The following PTPRR variants were observed in gnomAD, a reference collection of about 807,000 sequenced individuals.
PTPRR encodes the protein protein tyrosine phosphatase receptor type R.
In PTPRR, 38 loss-of-function variants were observed where a neutral mutation model predicts 77.2. The observed-to-expected ratio is 0.49, with a 90% CI of 0.38 to 0.65. PTPRR has a LOEUF of 0.65. Ranked by LOEUF, PTPRR falls within the 30% of genes least tolerant of loss-of-function variation. PTPRR has a pLI of 0.00. For synonymous variants in PTPRR, 299 were observed against 283.1 expected (o/e 1.06, Z -0.57); for missense variants, 744 against 799.2 (o/e 0.93, Z 0.83).
chr12:70,654,200 A>G (rs1423272397), intron 13 of PTPRR, among the ~76,000 whole-genome samples: 1 of 152,174 alleles, frequency 6.6e-6, no homozygotes, highest in Non-Finnish European at 1.5e-5. Flanking sequence ...CATTTTTCAG[A>G]ATAATCTTCT....
At chr12:70,745,795 G>T in intron 6 of PTPRR, 23 bp downstream of exon 6, 2 of 1,608,058 alleles carry the variant, frequency 1.2e-6, no homozygotes, top group South Asian at 1.1e-5. Flanking sequence ...GCCACACGTA[G>T]GGTATACAGA....
At chr12:70,765,653 G>A (rs568955757) in intron 2 of PTPRR, among the ~76,000 whole-genome samples, 3 of 152,172 alleles carry the variant, frequency 2.0e-5, no homozygotes, top group Non-Finnish European at 4.4e-5. Context: ...GCTTTGAAGA[G>A]AGCAGTGGTT....
chr12:70,757,719 G>A lies in PTPRR; in HGVS notation c.628-3418C>T, dbSNP rs1467094772. 2.6e-5 allele frequency among the ~76,000 whole-genome samples: 4 copies of A among 152,254 alleles called. No individual in the cohort carries two copies. The East Asian group carries it at 5.8e-4, about 22-fold the overall frequency. Reference sequence around the variant, plus strand: ...ATAGATGCTTTGAGACATCATTCACGATGTTCTATAATTCATGCAAAGGAT... The same window carrying A: ...ATAGATGCTTTGAGACATCATTCACAATGTTCTATAATTCATGCAAAGGAT... On this transcript the variant is annotated intron_variant, in intron 4 of 13. Coordinates refer to ENST00000283228, the MANE Select transcript of PTPRR (RefSeq NM_002849.4).
rs964833719 is a variant in PTPRR, at chr12:70,761,487, G to A, written c.611C>T (p.Thr204Ile). 5 of 1,606,816 alleles carry A rather than the reference G, an allele frequency of 3.1e-6. No homozygotes were observed. The African/African-American group carries it at 5.4e-5, about 17-fold the overall frequency. Residue 204 changes from threonine to isoleucine, a missense_variant, in exon 4 of 14, where the codon ACA (threonine) becomes ATA (isoleucine). Thr to Ile is a moderately conservative substitution (Grantham distance 89). Around this residue, in one of 3 missense-constraint regions of PTPRR, gnomAD observed 570 missense variants for 573.2 expected, o/e 0.99. Transcript: ENST00000283228. ...ACAACATACCTCAGGAGAGACTTCT[G>A]TAATTCCAAACTGGGATAAACTTTG... is the stretch of plus-strand genomic sequence containing the variant. ...LHQSLSQFGITEVSPEKNVLQ... is the reference protein window; with the variant it reads ...LHQSLSQFGIIEVSPEKNVLQ...
chr12:70,914,974 T>C (rs1019692269), intron 1 of PTPRR, among the ~76,000 whole-genome samples: 2 of 152,144 alleles, frequency 1.3e-5, no homozygotes, highest in Non-Finnish European at 2.9e-5. Flanking sequence ...GACGTGCAAG[T>C]CTGAGTATAA....
chr12:70,754,408 C>T, intron 4 of PTPRR, 107 bp from the exon 5 acceptor site: 5 of 1,573,396 alleles, frequency 3.2e-6, no homozygotes, highest in Non-Finnish European at 4.3e-6. Context: ...CAGTGTAGTG[C>T]AACACACCTA....
At chr12:70,656,093 C>T (rs903198514) in intron 13 of PTPRR, among the ~76,000 whole-genome samples, 2 of 152,108 alleles carry the variant, frequency 1.3e-5, no homozygotes, top group Admixed American at 6.5e-5. Context: ...TGGTGCTCGC[C>T]TATAGTCCCA....
chr12:70,841,427 C>T (rs1166223746), intron 2 of PTPRR, among the ~76,000 whole-genome samples: 2 of 151,932 alleles, frequency 1.3e-5, no homozygotes, highest in Non-Finnish European at 2.9e-5. Context: ...CACTTCTCAG[C>T]TTGTTCTCTC....
chr12:70,882,781 C>T (rs1592812759), intron 2 of PTPRR, among the ~76,000 whole-genome samples: 1 of 152,180 alleles, frequency 6.6e-6, no homozygotes, highest in South Asian at 2.1e-4. Flanking sequence ...TATTCCGCTA[C>T]TGGTTTGAGT....
At chr12:70,769,043 A>G (rs1038405956) in intron 2 of PTPRR, among the ~76,000 whole-genome samples, 2 of 140,514 alleles carry the variant, frequency 1.4e-5, no homozygotes, top group African/African-American at 6.0e-5. Context: ...ACAAACCCAC[A>G]GCCAATATCA....
intron 12 of PTPRR, among the ~76,000 whole-genome samples, chr12:70,659,005 C>T (rs998178603): frequency 1.2e-4 from 17 of 146,890 alleles, no homozygotes; most frequent in Admixed American, 7.7e-4. Context: ...TCGGTTCAAG[C>T]GATTCTCCTG....
At chr12:70,765,703 G>A (rs1565688071) in intron 2 of PTPRR, among the ~76,000 whole-genome samples, 1 of 152,214 alleles carries the variant, frequency 6.6e-6, no homozygotes, top group African/African-American at 2.4e-5. Flanking sequence ...CGGGTAGACT[G>A]CCTCCTCAAG....
At chr12:70,751,031 A>G (rs1220644536) in intron 5 of PTPRR, among the ~76,000 whole-genome samples, 15 of 148,892 alleles carry the variant, frequency 1.0e-4, no homozygotes, top group Admixed American at 2.7e-4. Flanking sequence ...GAGCCACTGC[A>G]CTTGGTCCCC....
At chr12:70,702,107 G>A (rs1252014181) in intron 6 of PTPRR, among the ~76,000 whole-genome samples, 1 of 152,088 alleles carries the variant, frequency 6.6e-6, no homozygotes, top group African/African-American at 2.4e-5. Flanking sequence ...CTTATAAGGG[G>A]CCATAGAAAT....
intron 2 of PTPRR, among the ~76,000 whole-genome samples, chr12:70,840,088 A>G (rs1892370335): frequency 6.6e-6 from 1 of 152,180 alleles, no homozygotes; most frequent in Non-Finnish European, 1.5e-5. Flanking sequence ...CTTAATTAAT[A>G]CAGATATAAC....
intron 2 of PTPRR, among the ~76,000 whole-genome samples, chr12:70,807,939 C>T (rs1049445636): frequency 6.6e-6 from 1 of 152,128 alleles, no homozygotes; most frequent in Non-Finnish European, 1.5e-5. Flanking sequence ...AGGAGATAAG[C>T]TTAAAGTCTG....
At chr12:70,715,617 C>A (rs1186973280) in intron 6 of PTPRR, among the ~76,000 whole-genome samples, 1 of 152,158 alleles carries the variant, frequency 6.6e-6, no homozygotes. Context: ...GGCGCGTATT[C>A]TCTTTCCCAG....
intron 2 of PTPRR, among the ~76,000 whole-genome samples, chr12:70,815,146 A>AAAC (rs1891880210): frequency 8.1e-6 from 1 of 123,626 alleles, no homozygotes; most frequent in Non-Finnish European, 1.8e-5. Context: ...AAAAAAAAAA[A>AAAC]AACCCACGTG....
At chr12:70,711,013 C>A (rs1044044469) in intron 6 of PTPRR, among the ~76,000 whole-genome samples, 12 of 152,056 alleles carry the variant, frequency 7.9e-5, no homozygotes, top group Non-Finnish European at 1.5e-4. Context: ...GACCTATAGA[C>A]AGAAATATCA....
Sources: gnomAD v4.1 joint callset for allele counts (sites outside exome capture counted in the v4.1 genomes callset) on GRCh38, gnomAD v4.1.1 for gene constraint, gnomAD v4.1.1 regional missense constraint, MANE v1.5 for transcripts, NCBI Gene and HGNC (gene_info 2026-07-23, HGNC 2026-07-21) for gene names.